The following PHIP variants were observed in gnomAD, a reference collection of about 807,000 sequenced individuals.
The protein encoded by PHIP is PHIP subunit of CUL4-Ring ligase complex, also known as PH-interacting protein.
PHIP carries 54 observed loss-of-function variants against 236.8 expected under a neutral mutation model. The observed-to-expected ratio is 0.23, with a 90% CI of 0.18 to 0.29. The LOEUF is 0.29. Among genes scored for constraint, PHIP ranks in the 10% least tolerant of loss-of-function variants. PHIP has a pLI of 1.00. For synonymous variants in PHIP, 756 were observed against 718.9 expected, an observed-to-expected ratio of 1.05 and a Z score of -0.83; for missense variants, 1,370 against 2,190.8, an observed-to-expected ratio of 0.63 and a Z score of 7.48.
rs1175753758 is a variant in PHIP at position 78,935,204 on chromosome 6, A to AT, written c.*5488dup. Among the ~76,000 whole-genome samples the AT allele has an allele frequency of 2.6e-5, 4 of 152,000 alleles. No individual in the cohort carries two copies. The highest frequency in any genetic ancestry group is 4.8e-5 in the African/African-American group (2 of 41,408). On this transcript the variant is annotated 3_prime_UTR_variant, in exon 40 of 40. Coordinates refer to ENST00000275034, the MANE Select transcript of PHIP (RefSeq NM_017934.7). ...CTTCATAAAGAAAAGGTTATCAGGAATTTTTTTTACCTTCCTTCCTCAACT... is the reference window on the plus strand; with the variant it reads ...CTTCATAAAGAAAAGGTTATCAGGAATTTTTTTTTACCTTCCTTCCTCAACT...
intron 15 of PHIP, among the ~76,000 whole-genome samples, chr6:79,009,449 A>C (rs367814583): frequency 1.3e-5 from 2 of 152,136 alleles, no homozygotes; most frequent in South Asian, 2.1e-4. Flanking sequence ...AATGATCTCT[A>C]CATCTTAAGA....
intron 10 of PHIP, among the ~76,000 whole-genome samples, chr6:79,018,068 T>C (rs1770920366): frequency 6.6e-6 from 1 of 151,942 alleles, no homozygotes; most frequent in African/African-American, 2.4e-5. Context: ...CATTCTACCT[T>C]GCATTACAGT....
At position 79,042,824 on chromosome 6, in the gene PHIP, T is replaced by C. The variant is rs762736585; in HGVS notation, c.600+19A>G. ...CAATTACATATATGAATATAAATAA[T>C]ACTTTAGCAATTACTTACAGTAAAT... is the stretch of plus-strand genomic sequence containing the variant. On this transcript the variant is annotated intron_variant, in intron 7 of 39. Transcript: ENST00000275034. 14 of 1,546,410 alleles carry C rather than the reference T, an allele frequency of 9.1e-6. No homozygotes were observed. Among genetic ancestry groups the C allele is most frequent in the Admixed American group, 2.0e-5 (1 of 50,836 alleles).
At chr6:79,030,866 AT>A (rs1303998927) in intron 7 of PHIP, among the ~76,000 whole-genome samples, 1 of 152,146 alleles carries the variant, frequency 6.6e-6, no homozygotes, top group African/African-American at 2.4e-5. Context: ...AAATCAAATT[AT>A]TGTGCTATTG....
intron 24 of PHIP, among the ~76,000 whole-genome samples, chr6:78,971,118 T>C (rs868409157): frequency 2.7e-4 from 41 of 152,348 alleles, no homozygotes; most frequent in Middle Eastern, 3.4e-3. Flanking sequence ...AGATGAAAAG[T>C]TATTTTCTGG....
Position 78,962,038 on chromosome 6 carries a change from G to C in PHIP, c.3536-228C>G, listed in dbSNP as rs942014825. ...GTATTGTTTTATTCATAGGTTCACC[G>C]GGAGAAAGAAACAAATTATATATAC... On this transcript the variant is annotated intron_variant, in intron 30 of 39. Coordinates refer to ENST00000275034, the MANE Select transcript of PHIP (RefSeq NM_017934.7). Among the ~76,000 whole-genome samples the C allele has an allele frequency of 5.3e-5, 8 of 151,958 alleles. 1 individual carries two copies. The South Asian group carries it at 1.2e-3, about 24-fold the overall frequency.
At chr6:78,971,039 T>A (rs1368274236) in intron 24 of PHIP, 151 bp from the exon 25 acceptor site, 3 of 594,918 alleles carry the variant, frequency 5.0e-6, no homozygotes, top group Non-Finnish European at 8.7e-6. Flanking sequence ...TCTCAAGTTG[T>A]CTTAACATCA....
At chr6:79,035,089 CAT>C (rs1491398075) in intron 7 of PHIP, among the ~76,000 whole-genome samples, 2 of 152,110 alleles carry the variant, frequency 1.3e-5, no homozygotes, top group Non-Finnish European at 1.5e-5. Context: ...AGAATTTGCA[CAT>C]GTGACCCATG....
At chr6:78,981,804 A>C (rs1204361066) in intron 23 of PHIP, among the ~76,000 whole-genome samples, 1 of 152,052 alleles carries the variant, frequency 6.6e-6, no homozygotes, top group African/African-American at 2.4e-5. Flanking sequence ...ATCAGACTAC[A>C]TTTATCATCA....
intron 36 of PHIP, among the ~76,000 whole-genome samples, chr6:78,947,282 T>C (rs1410148936): frequency 6.6e-6 from 1 of 152,202 alleles, no homozygotes. Context: ...AGTGTTAAAT[T>C]ATATTTTTAC....
chr6:78,998,649 T>A (rs1378944007), intron 17 of PHIP, among the ~76,000 whole-genome samples: 3 of 152,170 alleles, frequency 2.0e-5, no homozygotes, highest in Non-Finnish European at 4.4e-5. Context: ...TCATAATCCG[T>A]ATGGTAACTC....
intron 39 of PHIP, among the ~76,000 whole-genome samples, chr6:78,944,130 C>T (rs546831253): frequency 2.0e-5 from 3 of 151,694 alleles, no homozygotes; most frequent in African/African-American, 7.3e-5. Flanking sequence ...AAAGACATTC[C>T]CCCAAAAGGA....
At chr6:79,059,592 T>TATATAC (rs1491363504) in intron 6 of PHIP, among the ~76,000 whole-genome samples, 19 of 9,274 alleles carry the variant, frequency 2.0e-3, no homozygotes, top group Non-Finnish European at 3.5e-3. Context: ...AAAGCAAAAT[T>TATATAC]ATATATATAT....
At position 78,935,404 on chromosome 6, in the gene PHIP, G is replaced by A; in HGVS notation, c.*5289C>T. Reference sequence around the variant, plus strand: ...AGTCAATAAAAATGCATGCCAATCTGACAAAATTTCTAGGAAAACTGCAAT... The same window carrying A: ...AGTCAATAAAAATGCATGCCAATCTAACAAAATTTCTAGGAAAACTGCAAT... On this transcript the variant is annotated 3_prime_UTR_variant, in exon 40 of 40. Coordinates refer to ENST00000275034, the MANE Select transcript of PHIP (RefSeq NM_017934.7). The A allele has an allele frequency of 1.5e-6, 1 of 688,080 alleles. No homozygotes were observed. The highest frequency in any genetic ancestry group is 1.8e-6 in the Non-Finnish European group (1 of 558,632). 42.6% of individuals were successfully genotyped at this position (688,080 alleles called of 1,614,324 possible).
At chr6:79,003,902 G>C (rs1288838663) in intron 15 of PHIP, 44 bp from the exon 16 acceptor site, 3 of 1,333,438 alleles carry the variant, frequency 2.2e-6, no homozygotes, top group African/African-American at 1.5e-5. Flanking sequence ...CCATTAAAAT[G>C]AAAAGAATTG....
chr6:79,077,524 C>A lies in PHIP; in HGVS notation c.130-17G>T, dbSNP rs576936950. The A allele has an allele frequency of 4.7e-6, 7 of 1,505,200 alleles. No individual in the cohort carries two copies. The East Asian group carries it at 8.4e-5, about 18-fold the overall frequency. 93.2% of individuals were successfully genotyped at this position (1,505,200 alleles called of 1,614,324 possible). A position where few individuals can be genotyped will look rare whatever the true frequency, so the allele number is the denominator to read the frequency against. ...GGGCAGCAGCTGCGGGGAGAGGACACCCCGTGAGCCCGGCCCCCGGCCCCT... is the reference window on the plus strand; with the variant it reads ...GGGCAGCAGCTGCGGGGAGAGGACAACCCGTGAGCCCGGCCCCCGGCCCCT... On this transcript the variant is annotated splice_polypyrimidine_tract_variant and intron_variant, in intron 3 of 39. Coordinates refer to ENST00000275034, the MANE Select transcript of PHIP (RefSeq NM_017934.7).
chr6:78,983,477 A>G (rs1045875636), intron 22 of PHIP, among the ~76,000 whole-genome samples: 1 of 152,258 alleles, frequency 6.6e-6, no homozygotes, highest in South Asian at 2.1e-4. Context: ...TCTCAGTTCT[A>G]TTGACAGCAA....
rs373451849 is a variant in PHIP at position 78,977,867 on chromosome 6, T to C, written c.2889+725A>G. 1.1e-4 allele frequency among the ~76,000 whole-genome samples: 16 copies of C among 152,274 alleles called. No homozygotes were observed. In the East Asian group the frequency reaches 2.3e-3, roughly 22 times the overall value. On this transcript the variant is annotated intron_variant, in intron 24 of 39. Coordinates refer to ENST00000275034, the MANE Select transcript of PHIP (RefSeq NM_017934.7). ...AGCATTAAAAAGTTTTTGTTTTCTT[T>C]TTTTTCTTAAAGTGTCAATTACCAC... is the stretch of plus-strand genomic sequence containing the variant.
chr6:78,980,324 G>T (rs1768430609), intron 23 of PHIP, among the ~76,000 whole-genome samples: 1 of 152,002 alleles, frequency 6.6e-6, no homozygotes. Flanking sequence ...AGACACATGA[G>T]ATGCTACCAC....
Sources: allele counts gnomAD v4.1 joint callset (sites outside exome capture counted in the v4.1 genomes callset), GRCh38; gene constraint gnomAD v4.1.1; transcripts MANE v1.5; gene names NCBI Gene and HGNC (gene_info 2026-07-23, HGNC 2026-07-21).